Variants in ACAP2 observed in about 807,000 individuals in gnomAD.
The protein encoded by ACAP2 is arf-GAP with coiled-coil, ANK repeat and PH domain-containing protein 2.
In ACAP2, 39 loss-of-function variants were observed where a neutral mutation model predicts 115.8. The ratio of observed to expected loss-of-function variants is 0.34; its 90% CI spans 0.26 to 0.44. ACAP2 has a LOEUF of 0.44. ACAP2 is among the 20% of genes least tolerant of loss of function. The pLI, the probability that ACAP2 is intolerant of heterozygous loss-of-function variation, is 1.00. For missense variants in ACAP2, 662 were observed against 927.6 expected (o/e 0.71, Z 3.72); for synonymous variants, 289 against 315.8 (o/e 0.92, Z 0.90).
chr3:195,426,055 C>G (rs1332953311), intron 1 of ACAP2, among the ~76,000 whole-genome samples: 1 of 152,210 alleles, frequency 6.6e-6, no homozygotes, highest in Non-Finnish European at 1.5e-5. Flanking sequence ...ACCATAACAT[C>G]CAAACTCATC....
At chr3:195,421,767 T>C (rs1468628619) in intron 1 of ACAP2, among the ~76,000 whole-genome samples, 1 of 152,238 alleles carries the variant, frequency 6.6e-6, no homozygotes, top group Non-Finnish European at 1.5e-5. Flanking sequence ...AGTTTTTAAA[T>C]GAATACTGTA....
intron 4 of ACAP2, among the ~76,000 whole-genome samples, chr3:195,355,281 CTT>C (rs11345721): frequency 0.036 from 4,582 of 126,824 alleles, 195 homozygotes; most frequent in African/African-American, 0.12. Context: ...TCTTTTTCTT[CTT>C]TTTTTTTTTT....
At chr3:195,442,248 G>C (rs1030331752) in intron 1 of ACAP2, 2 of 153,226 alleles carry the variant, frequency 1.3e-5, no homozygotes, top group African/African-American at 4.8e-5. Context: ...CTCTGGCCGG[G>C]GGCACCGCGA....
At chr3:195,378,667 C>A (rs1299252560) in intron 4 of ACAP2, among the ~76,000 whole-genome samples, 2 of 152,046 alleles carry the variant, frequency 1.3e-5, no homozygotes, top group African/African-American at 4.8e-5. Flanking sequence ...TTGAGACCAG[C>A]CTAGCCACCA....
At chr3:195,393,916 T>C (rs1208554176) in intron 1 of ACAP2, among the ~76,000 whole-genome samples, 1 of 151,316 alleles carries the variant, frequency 6.6e-6, no homozygotes, top group East Asian at 1.9e-4. Context: ...CAAAATTATA[T>C]GCATAGCATG....
chr3:195,417,551 G>C (rs933338412), intron 1 of ACAP2, among the ~76,000 whole-genome samples: 2 of 152,026 alleles, frequency 1.3e-5, no homozygotes, highest in Non-Finnish European at 2.9e-5. Context: ...TTCTCACCTG[G>C]ATTATAGCAA....
At chr3:195,364,516 A>G (rs570253952) in intron 4 of ACAP2, among the ~76,000 whole-genome samples, 1 of 152,148 alleles carries the variant, frequency 6.6e-6, no homozygotes, top group East Asian at 1.9e-4. Context: ...GGTTGCAGTA[A>G]ACTGACACCC....
chr3:195,293,445 C>T (rs1577246573), intron 18 of ACAP2, among the ~76,000 whole-genome samples: 1 of 152,146 alleles, frequency 6.6e-6, no homozygotes, highest in Non-Finnish European at 1.5e-5. Flanking sequence ...GATAGGACAG[C>T]CACAAGGAAA....
intron 1 of ACAP2, among the ~76,000 whole-genome samples, chr3:195,395,952 CAT>C (rs1167707620): frequency 6.6e-6 from 1 of 151,920 alleles, no homozygotes; most frequent in Non-Finnish European, 1.5e-5. Flanking sequence ...TACCTAAAAA[CAT>C]AAAACTAGAA....
intron 2 of ACAP2, among the ~76,000 whole-genome samples, chr3:195,386,337 C>T (rs1487119922): frequency 1.3e-5 from 2 of 152,018 alleles, no homozygotes; most frequent in Non-Finnish European, 2.9e-5. Flanking sequence ...TGGGACTATA[C>T]TAAAAACCAT....
intron 4 of ACAP2, among the ~76,000 whole-genome samples, chr3:195,348,577 C>A (rs1313336074): frequency 6.6e-6 from 1 of 152,020 alleles, no homozygotes; most frequent in Non-Finnish European, 1.5e-5. Flanking sequence ...TGCCAAAATT[C>A]TTAGCAATAT....
intron 4 of ACAP2, chr3:195,350,036 G>A (rs1404680361): frequency 1.2e-5 from 2 of 170,390 alleles, no homozygotes; most frequent in Non-Finnish European, 2.5e-5. Context: ...ACTAACCACT[G>A]ATTGTCAAAT....
At chr3:195,352,140 T>G (rs1208615807) in intron 4 of ACAP2, among the ~76,000 whole-genome samples, 1 of 152,244 alleles carries the variant, frequency 6.6e-6, no homozygotes, top group Admixed American at 6.5e-5. Flanking sequence ...CTGTACTTTT[T>G]CTATGTTTAA....
intron 9 of ACAP2, 48 bp from the exon 10 acceptor site, chr3:195,320,861 C>T (rs1729403209): frequency 7.7e-7 from 1 of 1,291,110 alleles, no homozygotes; most frequent in Admixed American, 1.8e-5. Flanking sequence ...GACTAAGTTT[C>T]CTAGACAAGA....
intron 4 of ACAP2, among the ~76,000 whole-genome samples, chr3:195,360,349 A>G (rs1194405657): frequency 6.6e-6 from 1 of 152,238 alleles, no homozygotes; most frequent in Non-Finnish European, 1.5e-5. Context: ...ATATGTACCA[A>G]ACACTGGAGC....
chr3:195,378,056 GAGGGAGGGAGGGAGGGAGGA>G (rs1421541462), intron 4 of ACAP2, among the ~76,000 whole-genome samples: 1 of 91,062 alleles, frequency 1.1e-5, no homozygotes, highest in Non-Finnish European at 2.5e-5. Context: ...TGAAAAAGAA[GAGGGAGGGAGGGAGGGAGGA>G]AGGGAGGAAG....
intron 4 of ACAP2, among the ~76,000 whole-genome samples, chr3:195,365,863 C>T (rs1306313027): frequency 7.1e-6 from 1 of 140,156 alleles, no homozygotes; most frequent in Non-Finnish European, 1.5e-5. Flanking sequence ...TTTTTTGAGA[C>T]AGTGTCTTCC....
At chr3:195,332,596 A>G (rs967706210) in intron 8 of ACAP2, among the ~76,000 whole-genome samples, 2 of 152,126 alleles carry the variant, frequency 1.3e-5, no homozygotes, top group Non-Finnish European at 2.9e-5. Flanking sequence ...CTGTGTCCCC[A>G]CCCAAAATCT....
chr3:195,392,287 T>C, intron 1 of ACAP2, 140 bp from the exon 2 acceptor site: 1 of 655,628 alleles, frequency 1.5e-6, no homozygotes, highest in Non-Finnish European at 2.6e-6. Flanking sequence ...CCTTGGAATT[T>C]AGTATCAATA....
Sources: gnomAD v4.1 joint callset for allele counts (sites outside exome capture counted in the v4.1 genomes callset) on GRCh38, gnomAD v4.1.1 for gene constraint, MANE v1.5 for transcripts, NCBI Gene and HGNC (gene_info 2026-07-23, HGNC 2026-07-21) for gene names.